The following BLNK variants were observed in gnomAD, a reference collection of about 807,000 sequenced individuals.
BLNK encodes B cell linker.
Under a neutral mutation model 73.5 loss-of-function variants are expected in BLNK, and 29 were observed. The observed-to-expected ratio is 0.39, with a 90% CI of 0.29 to 0.54. The LOEUF is 0.54. Among genes scored for constraint, BLNK ranks in the 20% least tolerant of loss-of-function variants. BLNK has a pLI of 0.61. For missense variants in BLNK, 460 were observed against 562.8 expected, an observed-to-expected ratio of 0.82 and a Z score of 1.85; for synonymous variants, 176 against 200.8, an observed-to-expected ratio of 0.88 and a Z score of 1.04.
At chr10:96,198,155 G>C (rs151050761) in intron 15 of BLNK, among the ~76,000 whole-genome samples, 1 of 152,126 alleles carries the variant, frequency 6.6e-6, no homozygotes, top group African/African-American at 2.4e-5. Flanking sequence ...CAAGGGACGA[G>C]AGCTTCAAAT....
chr10:96,204,182 T>C, intron 12 of BLNK, 94 bp from the exon 13 acceptor site: 1 of 1,341,672 alleles, frequency 7.5e-7, no homozygotes, highest in Non-Finnish European at 1.1e-6. Context: ...AACAGGCACA[T>C]CACAAATAAA....
At chr10:96,194,047 A>G (rs998023154) in intron 16 of BLNK, among the ~76,000 whole-genome samples, 1 of 152,232 alleles carries the variant, frequency 6.6e-6, no homozygotes, top group Non-Finnish European at 1.5e-5. Context: ...AGTGAGGTGA[A>G]GCTCTAGTCT....
rs147842607 is a variant in BLNK, at chr10:96,244,273, G to C, written c.114-1489C>G. 1.2e-3 allele frequency among the ~76,000 whole-genome samples: 185 copies of C among 152,280 alleles called. 1 individual carries two copies. Among genetic ancestry groups the C allele is most frequent in the Admixed American group, 4.1e-3 (62 of 15,292 alleles). ...AAAAACAAAAACAAAACTGGGTCTG[G>C]TGCCCAGGTTGGTTCAAGGAATAGT... is the stretch of plus-strand genomic sequence containing the variant. On this transcript the variant is annotated intron_variant, in intron 2 of 16. Transcript: ENST00000224337.
intron 16 of BLNK, among the ~76,000 whole-genome samples, chr10:96,194,897 T>C (rs1171202508): frequency 6.7e-5 from 10 of 149,780 alleles, no homozygotes; most frequent in Non-Finnish European, 1.3e-4. Context: ...CAGCCTCCTG[T>C]GTAGCTGGGA....
intron 1 of BLNK, among the ~76,000 whole-genome samples, chr10:96,260,480 T>C (rs1342558556): frequency 6.6e-6 from 1 of 152,158 alleles, no homozygotes; most frequent in African/African-American, 2.4e-5. Context: ...TTCCAGAAAA[T>C]AAAAGTGTCT....
chr10:96,256,951 C>T (rs1843543535), intron 1 of BLNK, among the ~76,000 whole-genome samples: 1 of 150,570 alleles, frequency 6.6e-6, no homozygotes, highest in Non-Finnish European at 1.5e-5. Context: ...CTTGGATCTT[C>T]AGGCTTGAAA....
In BLNK at chr10:96,189,670, G is replaced by T; in HGVS notation, c.*2303C>A. The T allele has an allele frequency of 1.4e-6, 1 of 718,728 alleles. No individual in the cohort carries two copies. The highest frequency in any genetic ancestry group is 1.7e-5 in the African/African-American group (1 of 57,874). 44.5% of individuals were successfully genotyped at this position (718,728 alleles called of 1,614,324 possible). ...GGAGTATGTAGATTTCTTCAATGGT[G>T]CTTTTTCTTCAGTTTCCTCATCATC... On this transcript the variant is annotated 3_prime_UTR_variant, in exon 17 of 17. Transcript: ENST00000224337.
Position 96,258,765 on chromosome 10 carries a change from G to C in BLNK, c.48-11716C>G, listed in dbSNP as rs570603496. Among the ~76,000 whole-genome samples, 42 of 152,290 alleles carry C rather than the reference G, an allele frequency of 2.8e-4. No individual in the cohort carries two copies. The South Asian group carries it at 8.7e-3, about 32-fold the overall frequency. On this transcript the variant is annotated intron_variant, in intron 1 of 16. Coordinates refer to ENST00000224337, the MANE Select transcript of BLNK (RefSeq NM_013314.4). ...AACGGTAAAAGCCAGCATTTATTGAGCATGTACTACGTGCTAGGTACTTTG... is the reference window on the plus strand; with the variant it reads ...AACGGTAAAAGCCAGCATTTATTGACCATGTACTACGTGCTAGGTACTTTG...
chr10:96,199,758 G>A (rs1464355562), intron 15 of BLNK, among the ~76,000 whole-genome samples: 2 of 152,188 alleles, frequency 1.3e-5, no homozygotes, highest in African/African-American at 4.8e-5. Context: ...GGTGGCTCAC[G>A]TCTGTAATCC....
At chr10:96,224,672 C>T (rs1554902062) in intron 5 of BLNK, among the ~76,000 whole-genome samples, 1 of 152,104 alleles carries the variant, frequency 6.6e-6, no homozygotes, top group African/African-American at 2.4e-5. Context: ...CTGGGACTCA[C>T]ATTCTTCATT....
chr10:96,207,957 T>C, intron 9 of BLNK, 58 bp from the exon 10 acceptor site: 2 of 1,545,078 alleles, frequency 1.3e-6, no homozygotes, highest in Non-Finnish European at 1.8e-6. Flanking sequence ...AATGGAGCTA[T>C]TTACCATTAT....
chr10:96,214,245 CCT>C, intron 8 of BLNK, among the ~76,000 whole-genome samples: 1 of 152,272 alleles, frequency 6.6e-6, no homozygotes, highest in East Asian at 1.9e-4. Flanking sequence ...GGCTCCTACA[CCT>C]CTCTGTGCTG....
rs537939679 is a variant in BLNK, at chr10:96,247,584, G to A, written c.48-535C>T. 5.9e-5 allele frequency among the ~76,000 whole-genome samples: 9 copies of A among 152,244 alleles called. No individual in the cohort carries two copies. In the East Asian group the frequency reaches 1.7e-3, roughly 29 times the overall value. ...AGGGTCTGGAGTCAGGGAACCTAAG[G>A]CCAATTTGCACTGACTTCCTAGAAC... On this transcript the variant is annotated intron_variant, in intron 1 of 16. Coordinates refer to ENST00000224337, the MANE Select transcript of BLNK (RefSeq NM_013314.4).
At chr10:96,230,912 G>A (rs1222696496) in intron 3 of BLNK, 78 bp from the exon 4 acceptor site, 7 of 1,473,402 alleles carry the variant, frequency 4.8e-6, no homozygotes, top group East Asian at 2.3e-5. Flanking sequence ...CACACATTTC[G>A]CACCTGCCTT....
At chr10:96,236,558 A>G (rs1842697809) in intron 3 of BLNK, among the ~76,000 whole-genome samples, 1 of 152,184 alleles carries the variant, frequency 6.6e-6, no homozygotes, top group African/African-American at 2.4e-5. Context: ...TGGTGGGCTC[A>G]CACCTGTAAT....
At chr10:96,197,643 A>C (rs868913369) in intron 15 of BLNK, among the ~76,000 whole-genome samples, 1 of 152,220 alleles carries the variant, frequency 6.6e-6, no homozygotes, top group Non-Finnish European at 1.5e-5. Flanking sequence ...GTACTATAAG[A>C]AGAAAACAGA....
intron 3 of BLNK, among the ~76,000 whole-genome samples, chr10:96,233,270 G>C (rs782114723): frequency 1.1e-4 from 16 of 152,200 alleles, no homozygotes; most frequent in Admixed American, 2.6e-4. Context: ...CTCAGTGAGT[G>C]GGGGCCTATT....
intron 5 of BLNK, among the ~76,000 whole-genome samples, chr10:96,226,785 G>A (rs587659843): frequency 2.6e-5 from 4 of 151,960 alleles, no homozygotes; most frequent in Admixed American, 2.0e-4. Flanking sequence ...GCAGTGAAGC[G>A]AGTTCATGCC....
intron 8 of BLNK, among the ~76,000 whole-genome samples, chr10:96,214,341 C>A (rs994430169): frequency 1.2e-4 from 18 of 152,078 alleles, no homozygotes; most frequent in African/African-American, 4.1e-4. Flanking sequence ...CAGGAACATT[C>A]ATGGTTTGGG....
Sources: allele counts gnomAD v4.1 joint callset (sites outside exome capture counted in the v4.1 genomes callset), GRCh38; gene constraint gnomAD v4.1.1; transcripts MANE v1.5; gene names NCBI Gene and HGNC (gene_info 2026-07-23, HGNC 2026-07-21).